Variants in ASTN2 observed in about 807,000 individuals in gnomAD.
ASTN2 encodes the protein astrotactin-2.
In ASTN2, 54 loss-of-function variants were observed where a neutral mutation model predicts 139.8. The ratio of observed to expected loss-of-function variants is 0.39; its 90% CI spans 0.31 to 0.48. The LOEUF (loss-of-function observed/expected upper bound fraction) is 0.48, where lower values mean the gene tolerates loss of function less well. Among genes scored for constraint, ASTN2 ranks in the 20% least tolerant of loss-of-function variants. The pLI, the probability that ASTN2 is intolerant of heterozygous loss-of-function variation, is 0.95. For missense variants in ASTN2, 1,565 were observed against 1,725.1 expected (o/e 0.91, Z 1.64); for synonymous variants, 756 against 719.5 (o/e 1.05, Z -0.81).
chr9:116,894,156 C>T (rs1833829731), intron 10 of ASTN2, among the ~76,000 whole-genome samples: 1 of 152,170 alleles, frequency 6.6e-6, no homozygotes, highest in Admixed American at 6.5e-5. Flanking sequence ...CAGACATTTA[C>T]TTGCCAGTTC....
intron 20 of ASTN2, among the ~76,000 whole-genome samples, chr9:116,448,320 TGTGGCAGACA>T (rs1848069767): frequency 8.8e-6 from 1 of 114,048 alleles, no homozygotes; most frequent in Non-Finnish European, 1.6e-5. Flanking sequence ...TCCAGCACAA[TGTGGCAGACA>T]GGGGCAGTAG....
intron 19 of ASTN2, among the ~76,000 whole-genome samples, chr9:116,510,471 T>A (rs1391397590): frequency 2.0e-5 from 3 of 152,094 alleles, no homozygotes; most frequent in African/African-American, 4.8e-5. Context: ...CTTAGGATTG[T>A]CTTGGCAATG....
intron 5 of ASTN2, among the ~76,000 whole-genome samples, chr9:117,040,862 T>C (rs1838543955): frequency 6.6e-6 from 1 of 152,228 alleles, no homozygotes; most frequent in African/African-American, 2.4e-5. Context: ...GTTTCACGGT[T>C]AGAAGCTGAT....
At chr9:116,629,112 C>CT (rs57200909) in intron 17 of ASTN2, among the ~76,000 whole-genome samples, 1,458 of 100,318 alleles carry the variant, frequency 0.015, 8 homozygotes, top group Non-Finnish European at 0.019. Flanking sequence ...TCCAGTAACT[C>CT]TTTTTTTTTT....
chr9:116,516,636 G>A (rs1242334369), intron 19 of ASTN2, among the ~76,000 whole-genome samples: 1 of 152,180 alleles, frequency 6.6e-6, no homozygotes, highest in African/African-American at 2.4e-5. Flanking sequence ...GAAGGAACTA[G>A]ATCACTGCTG....
intron 2 of ASTN2, among the ~76,000 whole-genome samples, chr9:117,215,622 A>G (rs962553095): frequency 2.0e-5 from 3 of 152,086 alleles, no homozygotes; most frequent in South Asian, 2.1e-4. Flanking sequence ...TCTGGTCTGT[A>G]AGATCCTTCA....
chr9:117,039,726 A>G (rs2132647569), intron 6 of ASTN2, 93 bp downstream of exon 6: 1 of 1,361,790 alleles, frequency 7.3e-7, no homozygotes, highest in African/African-American at 1.5e-5. Flanking sequence ...TGTAATAGTA[A>G]TTCTAAGGTT....
intron 16 of ASTN2, among the ~76,000 whole-genome samples, chr9:116,672,891 T>C (rs1341962655): frequency 6.6e-6 from 1 of 152,236 alleles, no homozygotes; most frequent in Non-Finnish European, 1.5e-5. Context: ...TTAGTTTATA[T>C]TATTAATAAT....
chr9:117,212,027 C>G (rs1341641034), intron 3 of ASTN2, among the ~76,000 whole-genome samples: 1 of 152,130 alleles, frequency 6.6e-6, no homozygotes, highest in African/African-American at 2.4e-5. Flanking sequence ...ACCAAAGTTA[C>G]TGCAAAGTAA....
At chr9:116,975,575 C>T (rs1359931026) in intron 9 of ASTN2, among the ~76,000 whole-genome samples, 1 of 152,148 alleles carries the variant, frequency 6.6e-6, no homozygotes, top group African/African-American at 2.4e-5. Flanking sequence ...GTTCCTTTTC[C>T]TGATTTACTA....
chr9:116,651,081 G>A (rs1035733523), intron 17 of ASTN2, among the ~76,000 whole-genome samples: 4 of 136,530 alleles, frequency 2.9e-5, no homozygotes, highest in Admixed American at 1.6e-4. Flanking sequence ...CACACCTGGC[G>A]AATCTTTGTG....
chr9:116,629,730 C>T (rs1459081779), intron 17 of ASTN2, among the ~76,000 whole-genome samples: 1 of 152,168 alleles, frequency 6.6e-6, no homozygotes, highest in East Asian at 1.9e-4. Context: ...AAGCCATTCT[C>T]CTCTGAATGA....
intron 1 of ASTN2, among the ~76,000 whole-genome samples, chr9:117,406,565 C>T (rs1830995515): frequency 6.6e-6 from 1 of 152,100 alleles, no homozygotes; most frequent in Non-Finnish European, 1.5e-5. Context: ...AGGTGTGCTC[C>T]TAAGCTAGAT....
At chr9:117,033,336 A>C (rs147592542) in intron 6 of ASTN2, among the ~76,000 whole-genome samples, 2,322 of 152,244 alleles carry the variant, frequency 0.015, 73 homozygotes, top group African/African-American at 0.054. Context: ...TCCAATATTA[A>C]GAAAATATTA....
intron 5 of ASTN2, among the ~76,000 whole-genome samples, chr9:117,081,459 G>GC (rs1828425864): frequency 6.6e-6 from 1 of 152,192 alleles, no homozygotes; most frequent in Admixed American, 6.5e-5. Flanking sequence ...TTTTAAAATA[G>GC]CCTCCAACAT....
At chr9:116,984,557 G>A (rs12337139) in intron 7 of ASTN2, among the ~76,000 whole-genome samples, 12,246 of 152,126 alleles carry the variant, frequency 0.08, 678 homozygotes, top group Non-Finnish European at 0.1. Context: ...TTCTACCCAG[G>A]GGTCCCACTC....
intron 1 of ASTN2, among the ~76,000 whole-genome samples, chr9:117,384,947 A>C (rs1830359609): frequency 6.6e-6 from 1 of 152,152 alleles, no homozygotes. Context: ...ACTGGAGAAC[A>C]GATAAATGGG....
intron 2 of ASTN2, among the ~76,000 whole-genome samples, chr9:117,255,660 C>G (rs1833666069): frequency 6.6e-6 from 1 of 152,044 alleles, no homozygotes; most frequent in African/African-American, 2.4e-5. Context: ...GAGAAAAGTA[C>G]AGAAAGAAGA....
chr9:116,891,486 A>G (rs1432428484), intron 10 of ASTN2, among the ~76,000 whole-genome samples: 1 of 152,240 alleles, frequency 6.6e-6, no homozygotes, highest in Admixed American at 6.5e-5. Flanking sequence ...TCTTAGCCCA[A>G]CTGTGTAAAG....
Sources: gnomAD v4.1 joint callset for allele counts (sites outside exome capture counted in the v4.1 genomes callset) on GRCh38, gnomAD v4.1.1 for gene constraint, MANE v1.5 for transcripts, NCBI Gene and HGNC (gene_info 2026-07-23, HGNC 2026-07-21) for gene names.